The following MMP16 variants were observed in gnomAD, a reference collection of about 807,000 sequenced individuals.
MMP16 encodes the protein matrix metallopeptidase 16.
In MMP16, 12 loss-of-function variants were observed where a neutral mutation model predicts 67.8. The ratio of observed to expected loss-of-function variants is 0.18; its 90% confidence interval spans 0.11 to 0.29. MMP16 has a LOEUF of 0.29. Ranked by LOEUF, MMP16 falls within the 10% of genes least tolerant of loss-of-function variation. The probability of loss-of-function intolerance (pLI) is 1.00; values close to 1 mark genes in which losing one functional copy is unlikely to be tolerated. For missense variants in MMP16, 475 were observed against 765.7 expected (o/e 0.62, Z 4.48); for synonymous variants, 249 against 255.9 (o/e 0.97, Z 0.26).
At chr8:88,293,773 A>G (rs17729512) in intron 1 of MMP16, among the ~76,000 whole-genome samples, 20,393 of 152,054 alleles carry the variant, frequency 0.13, 1,812 homozygotes, top group African/African-American at 0.23. Flanking sequence ...TATGAGTGAA[A>G]TTAGGATTTG....
At chr8:88,318,965 T>C (rs950378674) in intron 1 of MMP16, among the ~76,000 whole-genome samples, 2 of 152,154 alleles carry the variant, frequency 1.3e-5, no homozygotes, top group Non-Finnish European at 2.9e-5. Context: ...TGAGACACCA[T>C]GTTATTCCTA....
At chr8:88,073,000 G>A (rs1225315895) in intron 7 of MMP16, among the ~76,000 whole-genome samples, 1 of 152,160 alleles carries the variant, frequency 6.6e-6, no homozygotes, top group African/African-American at 2.4e-5. Context: ...AGAGCTGTCA[G>A]AACACGAATT....
In MMP16 at chr8:88,096,877, G is replaced by C. The variant is rs534331851; in HGVS notation, c.1083+19630C>G. On this transcript the variant is annotated intron_variant, in intron 6 of 9. Coordinates refer to ENST00000286614, the MANE Select transcript of MMP16 (RefSeq NM_005941.5). ...AAACACCCTAACGTTATACATTCTA[G>C]CATTTAAAACACTGTAAGTGATCAT... Among the ~76,000 whole-genome samples the C allele has an allele frequency of 2.6e-5, 4 of 152,012 alleles. No homozygotes were observed. In the East Asian group the frequency reaches 7.8e-4, roughly 30 times the overall value.
intron 9 of MMP16, among the ~76,000 whole-genome samples, chr8:88,044,875 C>T (rs1808179051): frequency 6.6e-6 from 1 of 152,124 alleles, no homozygotes; most frequent in Admixed American, 6.5e-5. Flanking sequence ...TTTTTCATTT[C>T]TTTGTCCTTC....
chr8:88,090,604 G>A lies in MMP16; in HGVS notation c.1084-15861C>T, dbSNP rs971418238. 2.0e-5 allele frequency among the ~76,000 whole-genome samples: 3 copies of A among 151,616 alleles called. No homozygotes were observed. In the East Asian group the frequency reaches 5.8e-4, roughly 29 times the overall value. The stretch of plus-strand genomic sequence containing the variant: ...TCTTTCCTCTGATTGGTGCTCAAAT[G>A]CATGACTAAAAATTGTCAATTCTTT... On this transcript the variant is annotated intron_variant, in intron 6 of 9. Coordinates refer to ENST00000286614, the MANE Select transcript of MMP16 (RefSeq NM_005941.5).
chr8:88,069,091 T>C (rs1808507344), intron 7 of MMP16: 1 of 193,830 alleles, frequency 5.2e-6, no homozygotes, highest in Non-Finnish European at 1.0e-5. Context: ...TGACCATTAC[T>C]ACAAAAGTGC....
At chr8:88,091,446 T>C (rs1286341982) in intron 6 of MMP16, among the ~76,000 whole-genome samples, 1 of 151,790 alleles carries the variant, frequency 6.6e-6, no homozygotes, top group African/African-American at 2.4e-5. Flanking sequence ...GTTCATTTCT[T>C]CTGGGTATAG....
At chr8:88,177,252 T>C (rs1055876010) in intron 3 of MMP16, among the ~76,000 whole-genome samples, 2 of 152,240 alleles carry the variant, frequency 1.3e-5, no homozygotes, top group African/African-American at 4.8e-5. Context: ...GATATGGTCT[T>C]GCAGTCTCTG....
At chr8:88,085,847 T>G (rs1808825040) in intron 6 of MMP16, among the ~76,000 whole-genome samples, 1 of 152,066 alleles carries the variant, frequency 6.6e-6, no homozygotes. Context: ...AAATATTCAC[T>G]TTTATATTAA....
At chr8:88,140,061 C>A (rs989274047) in intron 4 of MMP16, among the ~76,000 whole-genome samples, 1 of 152,068 alleles carries the variant, frequency 6.6e-6, no homozygotes, top group Non-Finnish European at 1.5e-5. Context: ...GGGAGTTCTA[C>A]CTTGGGGGTC....
At chr8:88,273,178 G>A (rs1401864) in intron 1 of MMP16, among the ~76,000 whole-genome samples, 85,889 of 150,552 alleles carry the variant, frequency 0.57, 26,286 homozygotes, top group East Asian at 0.84. Context: ...CTCCCTCTCA[G>A]GTTTGGGCAA....
rs1376869662 is a variant in MMP16 at position 88,166,720 on chromosome 8, T to TATATAC, written c.709+948_709+949insGTATAT. On this transcript the variant is annotated intron_variant, in intron 4 of 9. Transcript: ENST00000286614. ...ATATATATATATATATATATATATA[T>TATATAC]ATATATATATTCTTAATTTTAATTT... Among the ~76,000 whole-genome samples the TATATAC allele has an allele frequency of 2.1e-4, 28 of 135,194 alleles. No homozygotes were observed. The East Asian group carries it at 5.1e-3, about 25-fold the overall frequency. The allele number at this position is 135,194 out of a possible 152,430, so 88.7% of individuals were successfully genotyped here.
Position 88,182,318 on chromosome 8 carries a change from T to C in MMP16, c.404+4158A>G, listed in dbSNP as rs79259666. The stretch of plus-strand genomic sequence containing the variant: ...AACAAGCAAGTCAGTTAAAAATTGA[T>C]AGATCTCAACAGACACCTCGCCAAA... On this transcript the variant is annotated intron_variant, in intron 3 of 9. Coordinates refer to ENST00000286614, the MANE Select transcript of MMP16 (RefSeq NM_005941.5). Among the ~76,000 whole-genome samples the C allele has an allele frequency of 3.7e-3, 560 of 152,224 alleles. 4 individuals are homozygous for C. The highest frequency in any genetic ancestry group is 0.013 in the African/African-American group (530 of 41,568).
chr8:88,149,498 A>G (rs1808361239), intron 4 of MMP16, among the ~76,000 whole-genome samples: 1 of 152,176 alleles, frequency 6.6e-6, no homozygotes, highest in Non-Finnish European at 1.5e-5. Flanking sequence ...TTCTCCCAGC[A>G]CGCGGCTGGA....
At position 88,036,564 on chromosome 8, in the gene MMP16, C is replaced by G. The variant is rs72675121; in HGVS notation, c.*4897G>C. 6.6e-6 allele frequency: 1 copy of G among 151,738 alleles called. No homozygotes were observed. The highest frequency in any genetic ancestry group is 2.4e-5 in the African/African-American group (1 of 41,372). The allele number at this position is 151,738 out of a possible 1,614,324, so 9.4% of individuals were successfully genotyped here. A position where few individuals can be genotyped will look rare whatever the true frequency, so the allele number is the denominator to read the frequency against. On this transcript the variant is annotated 3_prime_UTR_variant, in exon 10 of 10. Transcript: ENST00000286614. The stretch of plus-strand genomic sequence containing the variant: ...GTAGTTATGATTCCCTCCTAGGCAA[C>G]GTGGAGCCTGTAACTTAACTGCATA...
At chr8:88,247,370 T>C (rs1810129739) in intron 1 of MMP16, among the ~76,000 whole-genome samples, 1 of 152,140 alleles carries the variant, frequency 6.6e-6, no homozygotes, top group South Asian at 2.1e-4. Context: ...TAATACAAAT[T>C]GCCATCATTA....
intron 1 of MMP16, among the ~76,000 whole-genome samples, chr8:88,226,478 T>C (rs541889131): frequency 6.6e-6 from 1 of 152,062 alleles, no homozygotes; most frequent in Non-Finnish European, 1.5e-5. Flanking sequence ...TTTCAACTCA[T>C]ACCTTTTAAC....
At chr8:88,225,954 C>T (rs982677235) in intron 1 of MMP16, among the ~76,000 whole-genome samples, 1 of 151,850 alleles carries the variant, frequency 6.6e-6, no homozygotes, top group African/African-American at 2.4e-5. Context: ...CATTCATTCC[C>T]TTATCCATTT....
chr8:88,272,194 T>C (rs1810574640), intron 1 of MMP16, among the ~76,000 whole-genome samples: 1 of 152,206 alleles, frequency 6.6e-6, no homozygotes, highest in Non-Finnish European at 1.5e-5. Context: ...CAATCATTTT[T>C]ATCATCCTCG....
Sources: allele counts gnomAD v4.1 joint callset (sites outside exome capture counted in the v4.1 genomes callset), GRCh38; gene constraint gnomAD v4.1.1; transcripts MANE v1.5; gene names NCBI Gene and HGNC (gene_info 2026-07-23, HGNC 2026-07-21).